MYOF: variants seen among roughly 807,000 people sequenced by gnomAD.
MYOF encodes fer-1-like 3, myoferlin.
MYOF carries 244 observed loss-of-function variants against 284.2 expected under a neutral mutation model. That is an observed-to-expected ratio of 0.86 (90% confidence interval 0.77 to 0.95). MYOF has a LOEUF of 0.95. Among genes scored for constraint, MYOF ranks in the 40% least tolerant of loss-of-function variants. The pLI, the probability that MYOF is intolerant of heterozygous loss-of-function variation, is 0.00. For missense variants in MYOF, 2,496 were observed against 2,560.6 expected, an observed-to-expected ratio of 0.97 and a Z score of 0.54; for synonymous variants, 904 against 919.7, an observed-to-expected ratio of 0.98 and a Z score of 0.31.
chr10:93,460,148 C>T (rs925680627), intron 1 of MYOF, among the ~76,000 whole-genome samples: 1 of 152,176 alleles, frequency 6.6e-6, no homozygotes, highest in Admixed American at 6.5e-5. Flanking sequence ...AAGACTCCAA[C>T]CAGGGAGCCA....
At chr10:93,309,623 A>G (rs898488506) in intron 53 of MYOF, among the ~76,000 whole-genome samples, 4 of 152,190 alleles carry the variant, frequency 2.6e-5, no homozygotes, top group Non-Finnish European at 5.9e-5. Context: ...TAGACCCACA[A>G]TGAACCCAGA....
intron 3 of MYOF, among the ~76,000 whole-genome samples, chr10:93,436,745 C>G (rs1849142329): frequency 6.6e-6 from 1 of 152,172 alleles, no homozygotes; most frequent in South Asian, 2.1e-4. Flanking sequence ...GATGACTTGG[C>G]CTCTTACACA....
intron 3 of MYOF, 55 bp downstream of exon 3, chr10:93,451,995 A>C: frequency 8.1e-7 from 1 of 1,238,312 alleles, no homozygotes; most frequent in South Asian, 1.3e-5. Context: ...CAACAAAATA[A>C]ACAACAGTGA....
At position 93,396,693 on chromosome 10, in the gene MYOF, C is replaced by T. The variant is rs113894827; in HGVS notation, c.1335-469G>A. Among the ~76,000 whole-genome samples the T allele has an allele frequency of 4.5e-4, 68 of 152,208 alleles. 4 individuals are homozygous for T. Among genetic ancestry groups the T allele is most frequent in the African/African-American group, 1.5e-3 (63 of 41,528 alleles). ...ATTGTGATGATCATGATGATGGTAACGATATTTGTCATGTTTCCACTGTCA... is the reference window on the plus strand; with the variant it reads ...ATTGTGATGATCATGATGATGGTAATGATATTTGTCATGTTTCCACTGTCA... On this transcript the variant is annotated intron_variant, in intron 15 of 53. Coordinates refer to ENST00000359263, the MANE Select transcript of MYOF (RefSeq NM_013451.4).
Position 93,328,776 on chromosome 10 carries a change from G to A in MYOF, c.5118C>T (p.Ser1706=), listed in dbSNP as rs368976253. 4 of 1,611,290 alleles carry A rather than the reference G, an allele frequency of 2.5e-6. No individual in the cohort carries two copies. In the African/African-American group the frequency reaches 5.3e-5, roughly 22 times the overall value. ...SRIRYGGRDY[S]LDEFEANKIL... is the part of the protein sequence containing the mutation. ...CTAGGTGCTCACCAAATTCATCCAAGCTGTAGTCTCGTCCTCCATATCTGA... is the reference window on the plus strand; with the variant it reads ...CTAGGTGCTCACCAAATTCATCCAAACTGTAGTCTCGTCCTCCATATCTGA... Residue 1706 remains serine (S), a synonymous_variant, in exon 45 of 54, where the codon AGC becomes AGT. Coordinates refer to ENST00000359263, the MANE Select transcript of MYOF (RefSeq NM_013451.4).
chr10:93,481,853 G>A (rs61865270), intron 1 of MYOF, among the ~76,000 whole-genome samples: 29,454 of 152,122 alleles, frequency 0.19, 3,353 homozygotes, highest in Middle Eastern at 0.27. Context: ...TCGCAAATAC[G>A]TTTTCTGCCA....
At chr10:93,466,910 C>T (rs1028233361) in intron 1 of MYOF, among the ~76,000 whole-genome samples, 1 of 152,254 alleles carries the variant, frequency 6.6e-6, no homozygotes, top group East Asian at 1.9e-4. Flanking sequence ...CCCTAGAGAT[C>T]AAGGCTGCAG....
chr10:93,378,935 C>CT (rs1311302814), intron 21 of MYOF, among the ~76,000 whole-genome samples: 12 of 151,860 alleles, frequency 7.9e-5, no homozygotes, highest in African/African-American at 2.9e-4. Context: ...AGGCTGGTCT[C>CT]TAACTCCTGA....
At chr10:93,439,692 T>TC (rs2056186036) in intron 3 of MYOF, among the ~76,000 whole-genome samples, 1 of 152,176 alleles carries the variant, frequency 6.6e-6, no homozygotes, top group African/African-American at 2.4e-5. Flanking sequence ...GTTGCAGGGA[T>TC]TAAAAGGATG....
At chr10:93,425,839 G>A in intron 5 of MYOF, 1 of 567,912 alleles carries the variant, frequency 1.8e-6, no homozygotes, top group Non-Finnish European at 3.2e-6. Context: ...TGCTCACCGT[G>A]AGGTTGTTCA....
chr10:93,351,927 T>C, intron 32 of MYOF, 81 bp from the exon 33 acceptor site: 1 of 1,286,262 alleles, frequency 7.8e-7, no homozygotes, highest in Non-Finnish European at 1.1e-6. Flanking sequence ...CCATATTCTT[T>C]TCCTCTGGAT....
rs71752292 is a variant in MYOF at position 93,454,316 on chromosome 10, G to GA, written c.145-2176dup. On this transcript the variant is annotated intron_variant, in intron 2 of 53. Coordinates refer to ENST00000359263, the MANE Select transcript of MYOF (RefSeq NM_013451.4). ...AGTACATCTGCAATATGAAAGGAAA[G>GA]AAAAAAAAAACATGTTGGAAACAAA... is the stretch of plus-strand genomic sequence containing the variant. Among the ~76,000 whole-genome samples, 313 of 148,614 alleles carry GA rather than the reference G, an allele frequency of 2.1e-3. 1 individual carries two copies. Among genetic ancestry groups the GA allele is most frequent in the South Asian group, 0.02 (95 of 4,700 alleles).
At chr10:93,320,066 G>A in intron 48 of MYOF, 53 bp from the exon 49 acceptor site, 1 of 1,604,010 alleles carries the variant, frequency 6.2e-7, no homozygotes, top group Non-Finnish European at 8.5e-7. Context: ...AAGTCATGTA[G>A]CCGCAAAATT....
At chr10:93,364,263 G>A (rs775923919) in intron 26 of MYOF, among the ~76,000 whole-genome samples, 188 bp from the exon 27 acceptor site, 5 of 152,244 alleles carry the variant, frequency 3.3e-5, no homozygotes, top group Non-Finnish European at 7.3e-5. Context: ...TGAAGAAAGA[G>A]CCTGCTGGAA....
chr10:93,337,543 T>G, intron 40 of MYOF: 1 of 385,936 alleles, frequency 2.6e-6, no homozygotes, highest in Non-Finnish European at 4.6e-6. Flanking sequence ...GCCTAATTAG[T>G]GTGGTGCCAG....
chr10:93,466,070 A>G (rs770665953), intron 1 of MYOF, among the ~76,000 whole-genome samples: 13 of 151,982 alleles, frequency 8.6e-5, no homozygotes, highest in Non-Finnish European at 1.8e-4. Context: ...GCTAATTTCT[A>G]CTATCAACAA....
chr10:93,415,932 C>T (rs999592403), intron 5 of MYOF, among the ~76,000 whole-genome samples: 13 of 152,174 alleles, frequency 8.5e-5, no homozygotes, highest in Admixed American at 2.0e-4. Flanking sequence ...CTCTTGGGAG[C>T]AAACTCCTCA....
intron 17 of MYOF, 48 bp from the exon 18 acceptor site, chr10:93,389,202 C>G: frequency 6.4e-7 from 1 of 1,572,088 alleles, no homozygotes; most frequent in Non-Finnish European, 8.6e-7. Context: ...AACATTCAAT[C>G]TATTGAAATA....
chr10:93,418,891 T>C (rs919761296), intron 5 of MYOF, among the ~76,000 whole-genome samples: 8 of 152,236 alleles, frequency 5.3e-5, no homozygotes, highest in Admixed American at 1.3e-4. Context: ...ATCAGTTTAC[T>C]AGACAAAGCC....
Sources: gnomAD v4.1 joint callset for allele counts (sites outside exome capture counted in the v4.1 genomes callset) on GRCh38, gnomAD v4.1.1 for gene constraint, MANE v1.5 for transcripts, NCBI Gene and HGNC (gene_info 2026-07-23, HGNC 2026-07-21) for gene names.